Variants in TBC1D5 observed in about 807,000 individuals in gnomAD.
TBC1D5 encodes the protein TBC1 domain family, member 5.
In TBC1D5, 75 loss-of-function variants were observed where a neutral mutation model predicts 100.3. That is an observed-to-expected ratio of 0.75 (90% confidence interval 0.62 to 0.91). The LOEUF is 0.91. TBC1D5 is among the 40% of genes least tolerant of loss of function. The pLI is 0.00. For synonymous variants in TBC1D5, 323 were observed against 325.6 expected, an observed-to-expected ratio of 0.99 and a Z score of 0.09; for missense variants, 910 against 942.4, an observed-to-expected ratio of 0.97 and a Z score of 0.45.
intron 3 of TBC1D5, among the ~76,000 whole-genome samples, chr3:17,475,740 A>G (rs1326167620): frequency 2.0e-5 from 3 of 152,130 alleles, no homozygotes; most frequent in African/African-American, 4.8e-5. Context: ...TTTTGTTATC[A>G]TAAACAATGT....
chr3:17,581,455 A>G (rs2096696034), intron 2 of TBC1D5, among the ~76,000 whole-genome samples: 1 of 152,092 alleles, frequency 6.6e-6, no homozygotes, highest in Non-Finnish European at 1.5e-5. Context: ...TCCAACTTAT[A>G]TTCAAAACAA....
At chr3:17,679,894 C>G (rs1449257912) in intron 1 of TBC1D5, among the ~76,000 whole-genome samples, 1 of 151,338 alleles carries the variant, frequency 6.6e-6, no homozygotes, top group Non-Finnish European at 1.5e-5. Flanking sequence ...TTGCAGAATA[C>G]CTAGCATATC....
At chr3:17,217,810 A>G (rs1055013971) in intron 17 of TBC1D5, among the ~76,000 whole-genome samples, 7 of 152,108 alleles carry the variant, frequency 4.6e-5, no homozygotes, top group Admixed American at 2.6e-4. Flanking sequence ...TGTTCTGTGT[A>G]TATCTTTTCA....
intron 2 of TBC1D5, chr3:17,547,021 C>T (rs1465528859): frequency 6.6e-6 from 1 of 152,118 alleles, no homozygotes; most frequent in Non-Finnish European, 1.5e-5. Context: ...ACTACCTTTG[C>T]CTTTTAACAG....
chr3:17,726,980 CT>C (rs1288647319), intron 1 of TBC1D5, among the ~76,000 whole-genome samples: 2 of 152,128 alleles, frequency 1.3e-5, no homozygotes, highest in African/African-American at 4.8e-5. Context: ...TATTATACGG[CT>C]ACTAATAGAT....
chr3:17,338,848 T>C (rs535723314), intron 13 of TBC1D5, among the ~76,000 whole-genome samples: 2 of 152,180 alleles, frequency 1.3e-5, no homozygotes, highest in Non-Finnish European at 2.9e-5. Context: ...AAAAAATGAA[T>C]GTCCATCATC....
chr3:17,413,905 A>G (rs9851518), intron 4 of TBC1D5, among the ~76,000 whole-genome samples: 76,811 of 152,026 alleles, frequency 0.51, 21,255 homozygotes, highest in African/African-American at 0.71. Flanking sequence ...ATCTCTAATC[A>G]TTGGTTAAGA....
intron 18 of TBC1D5, among the ~76,000 whole-genome samples, chr3:17,186,710 C>CAAAAAAAAA (rs58438478): frequency 5.1e-4 from 14 of 27,274 alleles, no homozygotes; most frequent in Admixed American, 1.7e-3. Flanking sequence ...ACTCTATCTC[C>CAAAAAAAAA]AAAAAAAAAA....
At chr3:17,266,782 C>T (rs768568278) in intron 15 of TBC1D5, among the ~76,000 whole-genome samples, 4 of 151,942 alleles carry the variant, frequency 2.6e-5, no homozygotes, top group Non-Finnish European at 5.9e-5. Context: ...ACTAATAATT[C>T]CTATGTATTT....
chr3:17,738,812 C>T (rs2077168264), intron 1 of TBC1D5, among the ~76,000 whole-genome samples: 1 of 152,168 alleles, frequency 6.6e-6, no homozygotes, highest in African/African-American at 2.4e-5. Flanking sequence ...CAATCTTAAC[C>T]TCTGATGATA....
chr3:17,171,004 T>C (rs2067123954), intron 19 of TBC1D5, among the ~76,000 whole-genome samples: 1 of 152,200 alleles, frequency 6.6e-6, no homozygotes, highest in Non-Finnish European at 1.5e-5. Context: ...ATCATCCCAA[T>C]ACAGTGTCTA....
chr3:17,306,241 A>G (rs1302131781), intron 14 of TBC1D5, among the ~76,000 whole-genome samples: 1 of 152,132 alleles, frequency 6.6e-6, no homozygotes, highest in African/African-American at 2.4e-5. Flanking sequence ...CCTCTCCTTA[A>G]GTTTCCACAC....
chr3:17,393,671 A>G (rs1466140306), intron 8 of TBC1D5, among the ~76,000 whole-genome samples: 2 of 152,140 alleles, frequency 1.3e-5, no homozygotes, highest in Admixed American at 1.3e-4. Flanking sequence ...ATAATACCAC[A>G]CATCTACAAC....
intron 3 of TBC1D5, among the ~76,000 whole-genome samples, chr3:17,457,251 T>A (rs890064469): frequency 3.9e-5 from 6 of 152,170 alleles, no homozygotes; most frequent in Non-Finnish European, 8.8e-5. Context: ...TTTTGAAAAA[T>A]TATTAGCCAT....
intron 1 of TBC1D5, among the ~76,000 whole-genome samples, chr3:17,666,780 A>T (rs2067305673): frequency 6.6e-6 from 1 of 152,196 alleles, no homozygotes; most frequent in Non-Finnish European, 1.5e-5. Context: ...TTCTCTCAAA[A>T]GAAAGAAGTG....
chr3:17,252,572 C>T (rs542443520), intron 16 of TBC1D5, among the ~76,000 whole-genome samples: 6 of 152,310 alleles, frequency 3.9e-5, no homozygotes, highest in Non-Finnish European at 8.8e-5. Context: ...CCACATTCCT[C>T]AGCAGGATTC....
At chr3:17,697,723 A>T (rs1311839968) in intron 1 of TBC1D5, among the ~76,000 whole-genome samples, 5 of 152,162 alleles carry the variant, frequency 3.3e-5, no homozygotes, top group African/African-American at 1.2e-4. Flanking sequence ...TCAAGCTACC[A>T]ATGACTTGCT....
chr3:17,184,953 G>C, intron 19 of TBC1D5, 156 bp downstream of exon 20: 2 of 499,000 alleles, frequency 4.0e-6, no homozygotes, highest in Admixed American at 3.3e-5. Context: ...ATAATGTAGA[G>C]AGTGAGAGTA....
At chr3:17,557,577 G>T (rs1488327410) in intron 2 of TBC1D5, among the ~76,000 whole-genome samples, 1 of 151,926 alleles carries the variant, frequency 6.6e-6, no homozygotes, top group Admixed American at 6.6e-5. Flanking sequence ...TTGAGACAGG[G>T]TCTCACTCTG....
Sources: allele counts gnomAD v4.1 joint callset (sites outside exome capture counted in the v4.1 genomes callset), GRCh38; gene constraint gnomAD v4.1.1; transcripts MANE v1.5; gene names NCBI Gene and HGNC (gene_info 2026-07-23, HGNC 2026-07-21).